The following NCOA1 variants were observed in gnomAD, a reference collection of about 807,000 sequenced individuals.
NCOA1 encodes the protein Hin-2 protein.
In NCOA1, 35 loss-of-function variants were observed where a neutral mutation model predicts 150.9. The ratio of observed to expected loss-of-function variants is 0.23; its 90% CI spans 0.18 to 0.31. The LOEUF is 0.31. Among genes scored for constraint, NCOA1 ranks in the 10% least tolerant of loss-of-function variants. The probability of loss-of-function intolerance (pLI) is 1.00; values close to 1 mark genes in which losing one functional copy is unlikely to be tolerated. For missense variants in NCOA1, 1,491 were observed against 1,749.3 expected (o/e 0.85, Z 2.63); for synonymous variants, 590 against 630.0 (o/e 0.94, Z 0.95).
At chr2:24,680,783 A>G (rs1222563901) in intron 7 of NCOA1, among the ~76,000 whole-genome samples, 1 of 152,160 alleles carries the variant, frequency 6.6e-6, no homozygotes, top group Non-Finnish European at 1.5e-5. Context: ...CATTAGCTTG[A>G]TTTGGCCATT....
At chr2:24,525,461 G>T (rs1212962955) in intron 1 of NCOA1, among the ~76,000 whole-genome samples, 1 of 151,984 alleles carries the variant, frequency 6.6e-6, no homozygotes. Context: ...AAGGAAACTG[G>T]TTATTTATTT....
intron 7 of NCOA1, among the ~76,000 whole-genome samples, chr2:24,675,154 G>A (rs1671849665): frequency 6.6e-6 from 1 of 152,122 alleles, no homozygotes; most frequent in Non-Finnish European, 1.5e-5. Context: ...TTACTGGGAA[G>A]GTTTATCTGT....
At chr2:24,512,673 C>T (rs1663983295) in intron 1 of NCOA1, among the ~76,000 whole-genome samples, 1 of 152,028 alleles carries the variant, frequency 6.6e-6, no homozygotes, top group African/African-American at 2.4e-5. Flanking sequence ...TTCATATAAC[C>T]CAGAATTAAG....
chr2:24,538,884 A>G (rs1324012851), intron 1 of NCOA1, among the ~76,000 whole-genome samples: 4 of 152,194 alleles, frequency 2.6e-5, no homozygotes, highest in African/African-American at 9.7e-5. Flanking sequence ...GTAGTTAAAA[A>G]GGGATGTAAC....
At chr2:24,670,861 A>AT (rs1671650370) in intron 6 of NCOA1, among the ~76,000 whole-genome samples, 1 of 152,226 alleles carries the variant, frequency 6.6e-6, no homozygotes, top group Non-Finnish European at 1.5e-5. Flanking sequence ...CATTATTATA[A>AT]ATAGTATGTG....
At chr2:24,628,327 G>A (rs1209178406) in intron 3 of NCOA1, among the ~76,000 whole-genome samples, 1 of 150,846 alleles carries the variant, frequency 6.6e-6, no homozygotes, top group African/African-American at 2.4e-5. Flanking sequence ...AATCTGTTAT[G>A]TACCCCACCT....
At chr2:24,703,684 A>G (rs1030509068) in intron 11 of NCOA1, among the ~76,000 whole-genome samples, 1 of 152,192 alleles carries the variant, frequency 6.6e-6, no homozygotes, top group Admixed American at 6.5e-5. Flanking sequence ...ATTATGGTAT[A>G]GATTTACATT....
chr2:24,656,994 G>A (rs1426270717), intron 4 of NCOA1, among the ~76,000 whole-genome samples: 3 of 152,220 alleles, frequency 2.0e-5, no homozygotes, highest in Admixed American at 6.5e-5. Flanking sequence ...TTGTAGGATT[G>A]CTGTATCAGA....
intron 2 of NCOA1, among the ~76,000 whole-genome samples, chr2:24,565,757 T>C (rs1666475944): frequency 6.6e-6 from 1 of 152,098 alleles, no homozygotes; most frequent in Non-Finnish European, 1.5e-5. Flanking sequence ...GAGTGTGGGG[T>C]CTGGCCACTG....
chr2:24,517,669 T>G (rs765124182), intron 1 of NCOA1, among the ~76,000 whole-genome samples: 1 of 152,224 alleles, frequency 6.6e-6, no homozygotes, highest in South Asian at 2.1e-4. Context: ...AAGATTTTAC[T>G]CAAAGCCACC....
chr2:24,568,434 G>T (rs1428355488), intron 2 of NCOA1, among the ~76,000 whole-genome samples: 2 of 152,144 alleles, frequency 1.3e-5, no homozygotes, highest in African/African-American at 4.8e-5. Context: ...TTTCTGTGCT[G>T]TGATGGAAAG....
intron 3 of NCOA1, among the ~76,000 whole-genome samples, chr2:24,626,339 T>C (rs1236614428): frequency 6.6e-6 from 1 of 152,154 alleles, no homozygotes. Context: ...AGACCAGGGA[T>C]AGGAGTTAGA....
In NCOA1 at chr2:24,491,561, A is replaced by C. The variant is rs1662959836; in HGVS notation, c.-437A>C. Among the ~76,000 whole-genome samples the C allele has an allele frequency of 1.1e-4, 1 of 8,878 alleles. No homozygotes were observed. The highest frequency in any genetic ancestry group is 3.7e-3 in the South Asian group (1 of 268). 5.8% of individuals were successfully genotyped at this position (8,878 alleles called of 152,430 possible). On this transcript the variant is annotated 5_prime_UTR_variant, in exon 1 of 23. Coordinates refer to ENST00000348332, the MANE Select transcript of NCOA1 (RefSeq NM_003743.5). ...GGCGCCGCCGCCACGGTCGCGGACG[A>C]GTGCGGCGCCGGTGAGCGGGGCCCA...
intron 3 of NCOA1, among the ~76,000 whole-genome samples, chr2:24,618,570 T>C (rs1256767886): frequency 6.6e-6 from 1 of 152,054 alleles, no homozygotes; most frequent in Admixed American, 6.6e-5. Context: ...TGGATAGTTA[T>C]GCAGATTTGG....
intron 4 of NCOA1, among the ~76,000 whole-genome samples, chr2:24,650,506 C>A (rs1489620585): frequency 6.6e-6 from 1 of 152,078 alleles, no homozygotes; most frequent in African/African-American, 2.4e-5. Context: ...TGGAGAAAAT[C>A]ATCTGTAAGT....
At chr2:24,497,517 C>CA (rs1324447581) in intron 1 of NCOA1, among the ~76,000 whole-genome samples, 1 of 152,076 alleles carries the variant, frequency 6.6e-6, no homozygotes, top group Non-Finnish European at 1.5e-5. Context: ...ACTAAAAATA[C>CA]AAAAAATAGC....
intron 1 of NCOA1, among the ~76,000 whole-genome samples, chr2:24,516,955 A>ATATAC (rs1558758490): frequency 5.7e-5 from 4 of 70,102 alleles, no homozygotes; most frequent in Admixed American, 2.0e-4. Flanking sequence ...TATATATACA[A>ATATAC]GTATATATAC....
chr2:24,697,907 T>G, intron 11 of NCOA1, 109 bp downstream of exon 11: 1 of 1,230,872 alleles, frequency 8.1e-7, no homozygotes. Flanking sequence ...ATTATAGTTT[T>G]TGCAATAATC....
At chr2:24,680,732 C>T (rs1002127641) in intron 7 of NCOA1, among the ~76,000 whole-genome samples, 5 of 151,724 alleles carry the variant, frequency 3.3e-5, no homozygotes, top group Non-Finnish European at 5.9e-5. Context: ...AGTGTTTTCA[C>T]CACAAAAAAA....
Sources: allele counts gnomAD v4.1 joint callset (sites outside exome capture counted in the v4.1 genomes callset), GRCh38; gene constraint gnomAD v4.1.1; transcripts MANE v1.5; gene names NCBI Gene and HGNC (gene_info 2026-07-23, HGNC 2026-07-21).